The following SDK1 variants were observed in gnomAD, a reference collection of about 807,000 sequenced individuals.
The protein encoded by SDK1 is sidekick cell adhesion molecule 1, also known as protein sidekick-1.
A neutral mutation model predicts 245.5 loss-of-function variants in SDK1; 157 were observed. That is an observed-to-expected ratio of 0.64 (90% confidence interval 0.56 to 0.73). The LOEUF is 0.73. SDK1 is among the 30% of genes least tolerant of loss of function. The probability of loss-of-function intolerance (pLI) is 0.00; values close to 1 mark genes in which losing one functional copy is unlikely to be tolerated. For missense variants in SDK1, 3,583 were observed against 3,002.3 expected (o/e 1.19, Z -4.52); for synonymous variants, 1,647 against 1,278.5 (o/e 1.29, Z -6.15).
chr7:4,151,451 T>C (rs1780376571), intron 30 of SDK1, among the ~76,000 whole-genome samples: 1 of 152,362 alleles, frequency 6.6e-6, no homozygotes, highest in South Asian at 2.1e-4. Context: ...GTCCGTATGC[T>C]GGCGGGTTGG....
intron 4 of SDK1, among the ~76,000 whole-genome samples, chr7:3,741,987 C>CATATATAT (rs142076799): frequency 0.075 from 9,832 of 131,758 alleles, 411 homozygotes; most frequent in East Asian, 0.12. Context: ...TTGTAGTGTG[C>CATATATAT]ATATATATAT....
chr7:3,701,306 A>G (rs563191848), intron 4 of SDK1, among the ~76,000 whole-genome samples: 1 of 152,238 alleles, frequency 6.6e-6, no homozygotes, highest in East Asian at 1.9e-4. Context: ...TTTGTGGCCA[A>G]CATGCCGTGT....
intron 1 of SDK1, among the ~76,000 whole-genome samples, chr7:3,499,853 G>A (rs1484702676): frequency 6.6e-6 from 1 of 152,156 alleles, no homozygotes; most frequent in East Asian, 1.9e-4. Context: ...GCTGTTTTGA[G>A]GGTCATGTGT....
intron 1 of SDK1, among the ~76,000 whole-genome samples, chr7:3,445,718 T>C (rs1021043168): frequency 1.3e-5 from 2 of 152,210 alleles, no homozygotes; most frequent in Non-Finnish European, 1.5e-5. Flanking sequence ...TATAACTGTC[T>C]TACATATTTC....
chr7:3,930,400 C>T (rs1367531677), intron 5 of SDK1, among the ~76,000 whole-genome samples: 1 of 152,208 alleles, frequency 6.6e-6, no homozygotes, highest in Non-Finnish European at 1.5e-5. Flanking sequence ...TGCACTTGAA[C>T]AGGATCCCCA....
At chr7:3,549,797 G>A (rs919194432) in intron 1 of SDK1, among the ~76,000 whole-genome samples, 12 of 152,076 alleles carry the variant, frequency 7.9e-5, no homozygotes, top group Middle Eastern at 3.4e-3. Context: ...CCTTCTGCTT[G>A]TTGCAGACCA....
At chr7:3,436,167 A>G (rs1780016870) in intron 1 of SDK1, among the ~76,000 whole-genome samples, 1 of 152,148 alleles carries the variant, frequency 6.6e-6, no homozygotes, top group Admixed American at 6.5e-5. Context: ...ATTTATGTAA[A>G]GTGATTTGAT....
chr7:4,155,370 G>C (rs954007140), intron 30 of SDK1, among the ~76,000 whole-genome samples: 1 of 152,170 alleles, frequency 6.6e-6, no homozygotes, highest in Admixed American at 6.5e-5. Context: ...AAACCCATTT[G>C]TCTGGGAGCC....
intron 1 of SDK1, among the ~76,000 whole-genome samples, chr7:3,495,090 G>T (rs987849745): frequency 2.6e-5 from 4 of 152,002 alleles, no homozygotes; most frequent in Admixed American, 2.0e-4. Flanking sequence ...TGTCTTGGTT[G>T]ATGACAGATG....
chr7:3,388,610 TA>T (rs138883936), intron 1 of SDK1, among the ~76,000 whole-genome samples: 8,339 of 152,246 alleles, frequency 0.055, 644 homozygotes, highest in African/African-American at 0.17. Context: ...ACATAAGTAG[TA>T]GTTGTGTGTA....
At position 3,958,816 on chromosome 7, in the gene SDK1, A is replaced by G. The variant is rs1781457107; in HGVS notation, c.1151-115A>G. On this transcript the variant is annotated intron_variant, in intron 7 of 44. Coordinates refer to ENST00000404826, the MANE Select transcript of SDK1 (RefSeq NM_152744.4). ...TGAGTTTGTATGCACGATGCTAACT[A>G]ATGATGAAATTTTCAAGAATGGTTT... The G allele has an allele frequency of 4.9e-6, 4 of 815,054 alleles. No homozygotes were observed. In the South Asian group the frequency reaches 6.3e-5, roughly 13 times the overall value. 50.5% of individuals were successfully genotyped at this position (815,054 alleles called of 1,614,324 possible).
intron 18 of SDK1, among the ~76,000 whole-genome samples, chr7:4,050,924 A>C (rs991793385): frequency 7.0e-6 from 1 of 143,620 alleles, no homozygotes; most frequent in African/African-American, 2.6e-5. Context: ...ATAATGTATT[A>C]TATATACATA....
Position 4,266,936 on chromosome 7 carries a change from G to A in SDK1, c.*1552G>A. 1 of 985,500 alleles carries A rather than the reference G, an allele frequency of 1.0e-6. No homozygotes were observed. Among genetic ancestry groups the A allele is most frequent in the Non-Finnish European group, 1.2e-6 (1 of 829,970 alleles). The allele number at this position is 985,500 out of a possible 1,614,324, so 61.0% of individuals were successfully genotyped here. On this transcript the variant is annotated 3_prime_UTR_variant, in exon 45 of 45. Coordinates refer to ENST00000404826, the MANE Select transcript of SDK1 (RefSeq NM_152744.4). ...CCTGAGGGTAGGGGACAACTGAGCA[G>A]TATCTGACCAGTGCCACCCAGGAGC...
At chr7:4,228,125 T>TC (rs1319608547) in intron 40 of SDK1, among the ~76,000 whole-genome samples, 1 of 152,232 alleles carries the variant, frequency 6.6e-6, no homozygotes, top group East Asian at 1.9e-4. Flanking sequence ...TCTTGCTTTT[T>TC]CCCACTCAGC....
chr7:3,634,156 G>T (rs922142497), intron 2 of SDK1, among the ~76,000 whole-genome samples: 5 of 152,146 alleles, frequency 3.3e-5, no homozygotes, highest in Non-Finnish European at 5.9e-5. Flanking sequence ...GGTCTTTTCA[G>T]CCTTTAATTT....
At chr7:3,437,841 A>AAGTTCC (rs1396548852) in intron 1 of SDK1, among the ~76,000 whole-genome samples, 1 of 152,214 alleles carries the variant, frequency 6.6e-6, no homozygotes, top group Non-Finnish European at 1.5e-5. Flanking sequence ...GGCTGAATAG[A>AAGTTCC]AGTTCCATCT....
chr7:3,958,332 T>A, intron 7 of SDK1: 1 of 263,624 alleles, frequency 3.8e-6, no homozygotes, highest in Non-Finnish European at 7.4e-6. Context: ...CCACTGTTTT[T>A]TTTTCTGCGG....
intron 38 of SDK1, 36 bp downstream of exon 38, chr7:4,210,198 C>T (rs761464052): frequency 2.2e-5 from 33 of 1,492,350 alleles, no homozygotes; most frequent in Non-Finnish European, 2.9e-5. Flanking sequence ...GAGCGCGGGC[C>T]ACACCAGTGC....
chr7:3,349,946 C>G (rs1780613924), intron 1 of SDK1, among the ~76,000 whole-genome samples: 1 of 152,172 alleles, frequency 6.6e-6, no homozygotes, highest in Non-Finnish European at 1.5e-5. Context: ...TTGGTAGATA[C>G]AGAAGGTTTA....
Sources: allele counts gnomAD v4.1 joint callset (sites outside exome capture counted in the v4.1 genomes callset), GRCh38; gene constraint gnomAD v4.1.1; transcripts MANE v1.5; gene names NCBI Gene and HGNC (gene_info 2026-07-23, HGNC 2026-07-21).